Variants in FBXO21 observed in about 807,000 individuals in gnomAD.
The protein encoded by FBXO21 is F-box protein 21, also known as F-box only protein 21.
FBXO21 carries 32 observed loss-of-function variants against 76.6 expected under a neutral mutation model. That is an observed-to-expected ratio of 0.42 (90% CI 0.32 to 0.56). The LOEUF is 0.56. Ranked by LOEUF, FBXO21 falls within the 20% of genes least tolerant of loss-of-function variation. The pLI is 0.16. For synonymous variants in FBXO21, 328 were observed against 311.5 expected (o/e 1.05, Z -0.56); for missense variants, 586 against 797.3 (o/e 0.73, Z 3.19).
chr12:117,155,528 G>A (rs1955904445), intron 11 of FBXO21: 8 of 550,988 alleles, frequency 1.5e-5, no homozygotes, highest in Non-Finnish European at 2.6e-5. Flanking sequence ...GATTGGCATA[G>A]ACAGTGGCCA....
chr12:117,173,243 C>T (rs934531964), intron 6 of FBXO21, among the ~76,000 whole-genome samples: 1 of 152,130 alleles, frequency 6.6e-6, no homozygotes, highest in African/African-American at 2.4e-5. Flanking sequence ...GTTGGCCAGG[C>T]TGGTCTCGAA....
intron 11 of FBXO21, among the ~76,000 whole-genome samples, chr12:117,148,995 C>T (rs1157890560): frequency 6.6e-6 from 1 of 152,112 alleles, no homozygotes; most frequent in Admixed American, 6.5e-5. Context: ...TTCAAAATGC[C>T]ACTGGCTAAG....
At chr12:117,186,918 G>A (rs1956289107) in intron 2 of FBXO21, among the ~76,000 whole-genome samples, 1 of 152,236 alleles carries the variant, frequency 6.6e-6, no homozygotes, top group Admixed American at 6.5e-5. Flanking sequence ...CCTGAGGTAA[G>A]GAGTTTGAGA....
At chr12:117,156,856 A>G (rs1243402649) in intron 10 of FBXO21, among the ~76,000 whole-genome samples, 2 of 152,240 alleles carry the variant, frequency 1.3e-5, no homozygotes, top group African/African-American at 2.4e-5. Flanking sequence ...ACTACATATC[A>G]TATTAGGGAG....
intron 9 of FBXO21, 141 bp from the exon 10 acceptor site, chr12:117,158,204 C>G: frequency 1.1e-6 from 1 of 893,826 alleles, no homozygotes; most frequent in South Asian, 1.6e-5. Flanking sequence ...TCGAACCGGT[C>G]CAGGTCTCTG....
At chr12:117,186,870 T>C (rs893958600) in intron 2 of FBXO21, among the ~76,000 whole-genome samples, 6 of 152,242 alleles carry the variant, frequency 3.9e-5, no homozygotes, top group Non-Finnish European at 5.9e-5. Flanking sequence ...TTCATGACTG[T>C]AATCCCAGAA....
intron 2 of FBXO21, among the ~76,000 whole-genome samples, chr12:117,188,319 C>T (rs1035422471): frequency 6.6e-6 from 1 of 152,134 alleles, no homozygotes; most frequent in Non-Finnish European, 1.5e-5. Context: ...CAGAGGCCGG[C>T]GGATCACTTG....
intron 10 of FBXO21, 133 bp from the exon 11 acceptor site, chr12:117,156,081 C>CT: frequency 5.5e-6 from 4 of 731,860 alleles, no homozygotes; most frequent in South Asian, 1.8e-5. Context: ...CAGGACACCC[C>CT]TAACCCCTTT....
rs768355862 is a variant in FBXO21, at chr12:117,174,248, T to A, written c.833A>T (p.Asn278Ile). ...VLYDQLKFKG[N>I]RMDYYNALNL... is the part of the protein sequence containing the mutation. Reference sequence around the variant, plus strand: ...GAGGGCATTATAGTAATCCATTCGATTCCCCTTGAACTTCAGTTGGTCGTA... The same window carrying A: ...GAGGGCATTATAGTAATCCATTCGAATCCCCTTGAACTTCAGTTGGTCGTA... The change falls in exon 6 of 12, where the codon AAT becomes ATT. Residue 278 changes from asparagine to isoleucine, a missense_variant. By Grantham distance (149) the Asn-to-Ile change is moderately radical. This residue lies in a region of FBXO21 where 246 missense variants were observed against 356.8 expected (regional missense o/e 0.69). Coordinates refer to ENST00000622495, the MANE Select transcript of FBXO21 (RefSeq NM_015002.3). 6.2e-7 allele frequency: 1 copy of A among 1,613,370 alleles called. No individual in the cohort carries two copies. The highest frequency in any genetic ancestry group is 1.3e-5 in the African/African-American group (1 of 74,926).
chr12:117,171,978 G>T (rs528378702), intron 7 of FBXO21, among the ~76,000 whole-genome samples: 5 of 152,278 alleles, frequency 3.3e-5, no homozygotes, highest in Non-Finnish European at 5.9e-5. Context: ...GGGGAACGTG[G>T]CCACCCTATT....
At chr12:117,153,881 A>C (rs546747704) in intron 11 of FBXO21, among the ~76,000 whole-genome samples, 2 of 152,348 alleles carry the variant, frequency 1.3e-5, no homozygotes, top group African/African-American at 4.8e-5. Flanking sequence ...AGTAATGACA[A>C]TTTTATGACT....
Position 117,174,674 on chromosome 12 carries a change from T to C in FBXO21, c.716A>G (p.His239Arg). The C allele has an allele frequency of 6.2e-7, 1 of 1,614,158 alleles. No homozygotes were observed. The highest frequency in any genetic ancestry group is 8.5e-7 in the Non-Finnish European group (1 of 1,180,018). Residue 239 changes from histidine to arginine, a missense_variant, in exon 5 of 12, where the codon CAC becomes CGC. Transcript: ENST00000622495. ...CKTLRGINSRHPSLAFKAGES... is the reference protein window; with the variant it reads ...CKTLRGINSRRPSLAFKAGES... ...ACCTGCCTTGAAGGCCAAGCTGGGGTGGCGACTGTTTATGCCCCGAAGGGT... is the reference window on the plus strand; with the variant it reads ...ACCTGCCTTGAAGGCCAAGCTGGGGCGGCGACTGTTTATGCCCCGAAGGGT...
At chr12:117,157,777 C>T in intron 10 of FBXO21, 96 bp downstream of exon 10, 1 of 1,076,510 alleles carries the variant, frequency 9.3e-7, no homozygotes, top group Non-Finnish European at 1.3e-6. Flanking sequence ...CAGTCAGCTC[C>T]TCCTCCACTG....
intron 11 of FBXO21, among the ~76,000 whole-genome samples, chr12:117,152,229 G>A (rs1317235289): frequency 6.6e-6 from 1 of 152,210 alleles, no homozygotes; most frequent in Non-Finnish European, 1.5e-5. Flanking sequence ...CACTTTGAGA[G>A]GCTGAAGCGG....
intron 3 of FBXO21, among the ~76,000 whole-genome samples, chr12:117,184,478 G>GCAC (rs1185836864): frequency 8.5e-5 from 13 of 152,214 alleles, no homozygotes; most frequent in African/African-American, 3.1e-4. Flanking sequence ...TGTAGGCTAG[G>GCAC]CACGGTGGCT....
At chr12:117,156,174 G>A (rs2135853038) in intron 10 of FBXO21, among the ~76,000 whole-genome samples, 1 of 152,260 alleles carries the variant, frequency 6.6e-6, no homozygotes, top group Non-Finnish European at 1.5e-5. Context: ...ATGACAACTG[G>A]TTACCCAAAA....
rs1297723470 is a variant in FBXO21 at position 117,144,975 on chromosome 12, T to C, written c.*1112A>G. ...AACACTCTTCAAATGAAAGACATTC[T>C]CTCTCTTTCTAACCTGCCACATTCA... On this transcript the variant is annotated 3_prime_UTR_variant, in exon 12 of 12. Transcript: ENST00000622495. 8 of 151,970 alleles carry C rather than the reference T, an allele frequency of 5.3e-5. No homozygotes were observed. In the East Asian group the frequency reaches 1.5e-3, roughly 29 times the overall value. The allele number at this position is 151,970 out of a possible 1,614,324, so 9.4% of individuals were successfully genotyped here.
At chr12:117,152,535 GA>G (rs144311427) in intron 11 of FBXO21, among the ~76,000 whole-genome samples, 27,143 of 150,638 alleles carry the variant, frequency 0.18, 3,173 homozygotes, top group Admixed American at 0.35. Context: ...AAAAAGGGGG[GA>G]AAAAAAATGA....
At chr12:117,162,859 G>A (rs4238053) in intron 9 of FBXO21, among the ~76,000 whole-genome samples, 57,566 of 152,056 alleles carry the variant, frequency 0.38, 12,116 homozygotes, top group Admixed American at 0.55. Flanking sequence ...CCTGGACCAC[G>A]TGCAGGCTGT....
Sources: allele counts gnomAD v4.1 joint callset (sites outside exome capture counted in the v4.1 genomes callset), GRCh38; gene constraint gnomAD v4.1.1; regional missense constraint gnomAD v4.1.1; transcripts MANE v1.5; gene names NCBI Gene and HGNC (gene_info 2026-07-23, HGNC 2026-07-21).